Variants in VARS2 observed in about 807,000 individuals in gnomAD.
VARS2 encodes the protein valyl-tRNA synthetase 2, mitochondrial, also known as valine--tRNA ligase, mitochondrial.
VARS2 carries 105 observed loss-of-function variants against 154.1 expected under a neutral mutation model. That is an observed-to-expected ratio of 0.68 (90% CI 0.58 to 0.80). The LOEUF is 0.80. Among genes scored for constraint, VARS2 ranks in the 30% least tolerant of loss-of-function variants. VARS2 has a pLI of 0.00. For synonymous variants in VARS2, 483 were observed against 539.5 expected (o/e 0.90, Z 1.45); for missense variants, 1,157 against 1,361.4 (o/e 0.85, Z 2.36).
chr6:30,922,840 G>C (rs561579592), intron 22 of VARS2, 58 bp from the exon 23 acceptor site: 11 of 1,581,690 alleles, frequency 7.0e-6, no homozygotes, highest in Middle Eastern at 1.7e-4. Flanking sequence ...CTGCAACCCA[G>C]GTCCTGGCCC....
In VARS2 at chr6:30,926,221, C is replaced by G. The variant is rs1378072871; in HGVS notation, c.*11C>G. On this transcript the variant is annotated 3_prime_UTR_variant, in exon 30 of 30. Transcript: ENST00000676266. ...AGCCCGGAGCTCTAACTCATCATCC[C>G]CATCAGTTTTCCTCCCTCTCAGACC... 6.2e-7 allele frequency: 1 copy of G among 1,612,796 alleles called. No individual in the cohort carries two copies. The highest frequency in any genetic ancestry group is 1.1e-5 in the South Asian group (1 of 91,064).
chr6:30,925,829 A>C (rs1334538631), intron 28 of VARS2, 51 bp from the exon 29 acceptor site: 2 of 1,611,128 alleles, frequency 1.2e-6, no homozygotes, highest in Non-Finnish European at 1.7e-6. Flanking sequence ...TGGAGGATGG[A>C]GGCCTGGCAG....
At chr6:30,915,956 T>C (rs1281553648) in intron 5 of VARS2, 25 bp from the exon 6 acceptor site, 3 of 1,613,968 alleles carry the variant, frequency 1.9e-6, no homozygotes, top group Admixed American at 3.3e-5. Context: ...GCTCAGGGGC[T>C]CACAGGAGGG....
chr6:30,924,513 C>G lies in VARS2; in HGVS notation c.2626C>G (p.Pro876Ala). 1 of 1,590,202 alleles carries G rather than the reference C, an allele frequency of 6.3e-7. No individual in the cohort carries two copies. The highest frequency in any genetic ancestry group is 8.6e-7 in the Non-Finnish European group (1 of 1,164,648). Residue 876 changes from proline to alanine, a missense_variant, in exon 26 of 30, where the codon CCT (proline) becomes GCT (alanine). Coordinates refer to ENST00000676266, the MANE Select transcript of VARS2 (RefSeq NM_020442.6). ...QRLPPRPGCP[P>A]APSISVAPYP... ...GCTGCCCCCCAGGCCTGGTTGCCCCCCTGCCCCCAGCATCTCGGTTGCCCC... is the reference window on the plus strand; with the variant it reads ...GCTGCCCCCCAGGCCTGGTTGCCCCGCTGCCCCCAGCATCTCGGTTGCCCC...
In VARS2 at chr6:30,916,770, C is replaced by T. The variant is rs182223926; in HGVS notation, c.672-108C>T. ...CCTCTAGAGGCTAGATCAATGCCAT[C>T]CTCACTTGATTTTCCTCCAACACCT... On this transcript the variant is annotated intron_variant, in intron 7 of 29. Coordinates refer to ENST00000676266, the MANE Select transcript of VARS2 (RefSeq NM_020442.6). The surrounding 1 kb of genome is among the most constrained non-coding windows in gnomAD (Gnocchi z 4.0). The T allele has an allele frequency of 1.2e-3, 1,296 of 1,081,718 alleles. 7 individuals are homozygous for T. Among genetic ancestry groups the T allele is most frequent in the Non-Finnish European group, 5.9e-4 (417 of 703,760 alleles). 67.0% of individuals were successfully genotyped at this position (1,081,718 alleles called of 1,614,324 possible).
In VARS2 at chr6:30,924,450, C is replaced by G. The variant is rs753434252; in HGVS notation, c.2563C>G (p.Pro855Ala). ...CADLGLRLLA[P>A]LMPFLAEELW... ...TGACCTCGGCCTCCGCCTCCTGGCCCCACTGATGCCCTTCCTGGCTGAAGA... is the reference window on the plus strand; with the variant it reads ...TGACCTCGGCCTCCGCCTCCTGGCCGCACTGATGCCCTTCCTGGCTGAAGA... Residue 855 changes from proline (P) to alanine (A), a missense_variant, in exon 26 of 30, where the codon CCA becomes GCA. By Grantham distance (27) the Pro-to-Ala change is conservative. Coordinates refer to ENST00000676266, the MANE Select transcript of VARS2 (RefSeq NM_020442.6). 9.3e-6 allele frequency: 15 copies of G among 1,612,616 alleles called. No homozygotes were observed. The South Asian group carries it at 1.5e-4, about 17-fold the overall frequency.
At position 30,925,664 on chromosome 6, in the gene VARS2, C is replaced by T; in HGVS notation, c.2906C>T (p.Ser969Phe). 6.2e-7 allele frequency: 1 copy of T among 1,610,604 alleles called. No individual in the cohort carries two copies. Among genetic ancestry groups the T allele is most frequent in the South Asian group, 1.1e-5 (1 of 90,812 alleles). ...TTACCCCCAGGCGCAGCAGCTCCCT[C>T]CGGCTGGGCCCAGGCTCCACTCAGT... ...GLLPPGAAAP[S>F]GWAQAPLSDT... Residue 969 changes from serine to phenylalanine, a missense_variant, in exon 28 of 30, where the codon TCC becomes TTC. Ser to Phe is a radical substitution (Grantham distance 155, BLOSUM62 -2). Transcript: ENST00000676266.
Position 30,925,823 on chromosome 6 carries a change from G to A in VARS2, c.2962-57G>A, listed in dbSNP as rs570906322. The stretch of plus-strand genomic sequence containing the variant: ...GTAGGGGAAGGGACCTTCTAATGGA[G>A]GATGGAGGCCTGGCAGCAGGCGGAT... On this transcript the variant is annotated intron_variant, in intron 28 of 29. Transcript: ENST00000676266. 5.6e-6 allele frequency: 9 copies of A among 1,611,228 alleles called. No homozygotes were observed. In the East Asian group the frequency reaches 1.8e-4, roughly 32 times the overall value.
rs759274259 is a variant in VARS2 at position 30,921,706 on chromosome 6, T to G, written c.1735+15T>G. 1 of 1,592,198 alleles carries G rather than the reference T, an allele frequency of 6.3e-7. No individual in the cohort carries two copies. Among genetic ancestry groups the G allele is most frequent in the South Asian group, 1.1e-5 (1 of 88,000 alleles). ...CCTGGAGAGGGGTGAGTGCCTGAGC[T>G]GGGGAGGGATGTACAGGGGAGCGGG... On this transcript the variant is annotated intron_variant, in intron 18 of 29. Coordinates refer to ENST00000676266, the MANE Select transcript of VARS2 (RefSeq NM_020442.6). This position sits in a 1 kb window ranked among gnomAD's most constrained non-coding sequence, Gnocchi z 4.6.
In VARS2 at chr6:30,919,008, C is replaced by G; in HGVS notation, c.1074+93C>G. Reference sequence around the variant, plus strand: ...AATGGTGGCTCTTTCTCTCTTGCTTCTACTTCCTTTTCCTGAGACTTCTCT... The same window carrying G: ...AATGGTGGCTCTTTCTCTCTTGCTTGTACTTCCTTTTCCTGAGACTTCTCT... On this transcript the variant is annotated intron_variant, in intron 11 of 29. Coordinates refer to ENST00000676266, the MANE Select transcript of VARS2 (RefSeq NM_020442.6). This position sits in a 1 kb window ranked among gnomAD's most constrained non-coding sequence, Gnocchi z 4.5. 1 of 1,192,472 alleles carries G rather than the reference C, an allele frequency of 8.4e-7. No homozygotes were observed. Among genetic ancestry groups the G allele is most frequent in the East Asian group, 2.4e-5 (1 of 41,210 alleles). The allele number at this position is 1,192,472 out of a possible 1,614,324, so 73.9% of individuals were successfully genotyped here.
chr6:30,920,550 C>A lies in VARS2; in HGVS notation c.1397+114C>A. The A allele has an allele frequency of 7.5e-7, 1 of 1,340,984 alleles. No individual in the cohort carries two copies. Among genetic ancestry groups the A allele is most frequent in the South Asian group, 1.5e-5 (1 of 68,026 alleles). 83.1% of individuals were successfully genotyped at this position (1,340,984 alleles called of 1,614,324 possible). ...CTCCGTTAGAATACGAGCTCCGTGT[C>A]GGTTTTATTCGCTATTGTATCCTCA... On this transcript the variant is annotated intron_variant, in intron 14 of 29. Transcript: ENST00000676266. This position sits in a 1 kb window ranked among gnomAD's most constrained non-coding sequence, Gnocchi z 4.6.
At chr6:30,918,710 C>T in intron 10 of VARS2, 117 bp from the exon 11 acceptor site, 1 of 821,750 alleles carries the variant, frequency 1.2e-6, no homozygotes, top group East Asian at 2.6e-5. Context: ...CTGGGGGCCT[C>T]TTCCACCTTG....
Position 30,915,246 on chromosome 6 carries a change from A to C in VARS2, c.283+9A>C. 1 of 1,614,004 alleles carries C rather than the reference A, an allele frequency of 6.2e-7. No homozygotes were observed. The highest frequency in any genetic ancestry group is 8.5e-7 in the Non-Finnish European group (1 of 1,179,818). ...ACCCGGTGAAAAGAAAGGTAAGTAG[A>C]ATAAGTAAGAAGGCCTTTTCTTTCA... On this transcript the variant is annotated intron_variant, in intron 3 of 29. Transcript: ENST00000676266.
intron 25 of VARS2, 93 bp downstream of exon 25, chr6:30,923,598 C>T (rs1318408275): frequency 6.6e-7 from 1 of 1,505,116 alleles, no homozygotes; most frequent in East Asian, 2.3e-5. Flanking sequence ...TTAATAAGTT[C>T]CCAATTGTCC....
In VARS2 at chr6:30,924,573, C is replaced by A; in HGVS notation, c.2673+13C>A. On this transcript the variant is annotated intron_variant, in intron 26 of 29. Coordinates refer to ENST00000676266, the MANE Select transcript of VARS2 (RefSeq NM_020442.6). ...CGCCTGCAGCTTGGTGAGTCCCAAG[C>A]ACCTTGGAGTGGGTCTGTGGGTGAA... The A allele has an allele frequency of 1.3e-6, 2 of 1,489,690 alleles. No individual in the cohort carries two copies. Among genetic ancestry groups the A allele is most frequent in the South Asian group, 1.3e-5 (1 of 76,946 alleles). The allele number at this position is 1,489,690 out of a possible 1,614,324, so 92.3% of individuals were successfully genotyped here.
In VARS2 at chr6:30,921,893, C is replaced by T; in HGVS notation, c.1736-32C>T. On this transcript the variant is annotated intron_variant, in intron 18 of 29. Coordinates refer to ENST00000676266, the MANE Select transcript of VARS2 (RefSeq NM_020442.6). The surrounding 1 kb of genome is among the most constrained non-coding windows in gnomAD (Gnocchi z 4.6). The stretch of plus-strand genomic sequence containing the variant: ...GTCTGAGGTCCTAGAAGCCAAGGTT[C>T]CAACTGTCCCCATTCTTTTTCTGTT... 6.2e-7 allele frequency: 1 copy of T among 1,612,364 alleles called. No homozygotes were observed. The highest frequency in any genetic ancestry group is 1.3e-5 in the African/African-American group (1 of 74,990).
Position 30,920,003 on chromosome 6 carries a change from C to CTGGGGCGGTGCTGGTGA in VARS2, c.1166-75_1166-74insTGGTGATGGGGCGGTGC, listed in dbSNP as rs1554267740. The CTGGGGCGGTGCTGGTGA allele has an allele frequency of 1.4e-6, 2 of 1,455,682 alleles. No homozygotes were observed. The highest frequency in any genetic ancestry group is 1.8e-6 in the Non-Finnish European group (2 of 1,097,328). The allele number at this position is 1,455,682 out of a possible 1,614,324, so 90.2% of individuals were successfully genotyped here. A position where few individuals can be genotyped will look rare whatever the true frequency, so the allele number is the denominator to read the frequency against. On this transcript the variant is annotated intron_variant, in intron 12 of 29. Coordinates refer to ENST00000676266, the MANE Select transcript of VARS2 (RefSeq NM_020442.6). The surrounding 1 kb of genome is among the most constrained non-coding windows in gnomAD (Gnocchi z 4.6). ...GCACAGACAGAGAAAGTCGCAGGGG[C>CTGGGGCGGTGCTGGTGA]TGGGGCGGTGCAGGTGATGATGATA... is the stretch of plus-strand genomic sequence containing the variant.
Position 30,920,305 on chromosome 6 carries a change from G to A in VARS2, c.1294-28G>A. ...TTTCTTATTTCTCTAGAGGCCTTCA[G>A]TCTTTACTCTTGCCGCTTTTTCTCC... On this transcript the variant is annotated intron_variant, in intron 13 of 29. Coordinates refer to ENST00000676266, the MANE Select transcript of VARS2 (RefSeq NM_020442.6). This position sits in a 1 kb window ranked among gnomAD's most constrained non-coding sequence, Gnocchi z 4.6. The A allele has an allele frequency of 6.3e-7, 1 of 1,597,028 alleles. No individual in the cohort carries two copies. Among genetic ancestry groups the A allele is most frequent in the Non-Finnish European group, 8.5e-7 (1 of 1,173,312 alleles).
Position 30,922,955 on chromosome 6 carries a change from C to G in VARS2, c.2164C>G (p.Leu722Val), listed in dbSNP as rs1794621317. 2 of 1,610,538 alleles carry G rather than the reference C, an allele frequency of 1.2e-6. No homozygotes were observed. The highest frequency in any genetic ancestry group is 1.7e-6 in the Non-Finnish European group (2 of 1,178,346). ...ECGTDALRFT[L>V]CSHGVQAGDL... The stretch of plus-strand genomic sequence containing the variant: ...TGGGACAGATGCCCTGAGATTCACA[C>G]TCTGCTCCCATGGAGTTCAGGGTAA... The change falls in exon 23 of 30, where the codon CTC becomes GTC. Residue 722 changes from leucine to valine, a missense_variant. Physicochemically the swap from Leu to Val is conservative, Grantham distance 32. Coordinates refer to ENST00000676266, the MANE Select transcript of VARS2 (RefSeq NM_020442.6).
Sources: gnomAD v4.1 joint callset for allele counts on GRCh38, gnomAD v4.1.1 for gene constraint, Gnocchi (gnomAD v3.1) non-coding constraint, MANE v1.5 for transcripts, NCBI Gene and HGNC (gene_info 2026-07-23, HGNC 2026-07-21) for gene names.